EYS: variants seen among roughly 807,000 people sequenced by gnomAD.
EYS encodes the protein protein eyes shut homolog.
Under a neutral mutation model 282.1 loss-of-function variants are expected in EYS, and 250 were observed. The observed-to-expected ratio is 0.89, with a 90% CI of 0.80 to 0.98. The LOEUF is 0.98. EYS is among the 50% of genes least tolerant of loss of function. The pLI is 0.00. For missense variants in EYS, 4,016 were observed against 3,709.0 expected (o/e 1.08, Z -2.15); for synonymous variants, 1,355 against 1,282.9 (o/e 1.06, Z -1.20).
At chr6:64,124,239 G>GT (rs1349743877) in intron 31 of EYS, among the ~76,000 whole-genome samples, 1 of 152,118 alleles carries the variant, frequency 6.6e-6, no homozygotes, top group Admixed American at 6.5e-5. Context: ...TTTACTCAAA[G>GT]TAAGTACAAG....
rs371780089 is a variant in EYS at position 65,395,370 on chromosome 6, C to A, written c.1184+7108G>T. 1.0e-3 allele frequency among the ~76,000 whole-genome samples: 152 copies of A among 152,262 alleles called. 1 individual carries two copies. Among genetic ancestry groups the A allele is most frequent in the African/African-American group, 3.6e-3 (148 of 41,558 alleles). On this transcript the variant is annotated intron_variant, in intron 7 of 42. Coordinates refer to ENST00000503581, the MANE Select transcript of EYS (RefSeq NM_001142800.2). ...GAGCCACTGCGCCCAGCAATCTCAA[C>A]CTTACTTTGCTATTTTTTTCCAACT...
chr6:64,482,686 T>G (rs1257510011), intron 26 of EYS, among the ~76,000 whole-genome samples: 2 of 151,730 alleles, frequency 1.3e-5, no homozygotes, highest in Non-Finnish European at 3.0e-5. Flanking sequence ...GTCTTATTAT[T>G]GATATGACAA....
At chr6:65,528,882 A>G (rs1004239472) in intron 2 of EYS, among the ~76,000 whole-genome samples, 3 of 152,180 alleles carry the variant, frequency 2.0e-5, no homozygotes, top group African/African-American at 7.2e-5. Context: ...TTAAGAAATA[A>G]ACTTCTAGGT....
At chr6:64,001,668 T>C (rs1768100588) in intron 33 of EYS, among the ~76,000 whole-genome samples, 1 of 152,206 alleles carries the variant, frequency 6.6e-6, no homozygotes, top group Non-Finnish European at 1.5e-5. Flanking sequence ...TTAAATCAAG[T>C]AATTTAAATA....
At chr6:64,636,632 C>G (rs2149867350) in intron 22 of EYS, among the ~76,000 whole-genome samples, 1 of 152,188 alleles carries the variant, frequency 6.6e-6, no homozygotes, top group African/African-American at 2.4e-5. Context: ...GCAAAAGAAA[C>G]TACCATCAGA....
At chr6:65,689,496 C>T (rs1396865775) in intron 1 of EYS, among the ~76,000 whole-genome samples, 2 of 149,350 alleles carry the variant, frequency 1.3e-5, no homozygotes, top group African/African-American at 4.9e-5. Context: ...GCACGTTGTG[C>T]ACATGTACCC....
At position 64,023,374 on chromosome 6, in the gene EYS, T is replaced by TG. The variant is rs566486539; in HGVS notation, c.6726-24192dup. 2.6e-3 allele frequency among the ~76,000 whole-genome samples: 399 copies of TG among 152,330 alleles called. 1 individual carries two copies. The highest frequency in any genetic ancestry group is 9.2e-3 in the African/African-American group (383 of 41,572). ...TGCATATGCATCTGGGGTGGAATTG[T>TG]GGGGGTCATATAGTAAATACGTGTT... On this transcript the variant is annotated intron_variant, in intron 33 of 42. Transcript: ENST00000503581.
chr6:64,198,482 C>A (rs545462508), intron 31 of EYS, among the ~76,000 whole-genome samples: 25 of 152,160 alleles, frequency 1.6e-4, no homozygotes, highest in African/African-American at 6.0e-4. Flanking sequence ...CCCTGGCCCC[C>A]CACTCCCCAA....
At chr6:63,745,024 G>A (rs1337402977) in intron 41 of EYS, 1 of 424,242 alleles carries the variant, frequency 2.4e-6, no homozygotes, top group Admixed American at 2.9e-5. Flanking sequence ...TGATGACCTG[G>A]CAAGAAAAAA....
chr6:64,803,289 A>G (rs1764315713), intron 22 of EYS, among the ~76,000 whole-genome samples: 1 of 151,724 alleles, frequency 6.6e-6, no homozygotes, highest in Admixed American at 6.6e-5. Context: ...CTACAAGTCA[A>G]GGAGACTCAA....
chr6:64,241,435 G>C (rs796074543), intron 30 of EYS, among the ~76,000 whole-genome samples: 9 of 152,138 alleles, frequency 5.9e-5, no homozygotes, highest in African/African-American at 2.2e-4. Context: ...CGACTATTCA[G>C]GGATTTGACT....
intron 5 of EYS, among the ~76,000 whole-genome samples, chr6:65,428,952 G>A (rs1306986336): frequency 1.3e-5 from 2 of 152,078 alleles, no homozygotes; most frequent in Admixed American, 1.3e-4. Flanking sequence ...GGAGGCCGAG[G>A]CAGGCAGATC....
At chr6:64,103,853 A>C (rs752978697) in intron 31 of EYS, among the ~76,000 whole-genome samples, 14 of 152,140 alleles carry the variant, frequency 9.2e-5, no homozygotes, top group Non-Finnish European at 2.1e-4. Context: ...AATAACAAGA[A>C]AGAGGGAAGA....
At chr6:64,292,843 T>C (rs1053743678) in intron 30 of EYS, among the ~76,000 whole-genome samples, 7 of 152,076 alleles carry the variant, frequency 4.6e-5, no homozygotes, top group Non-Finnish European at 7.4e-5. Context: ...ATTTAAAAAA[T>C]ATACATCAAA....
intron 26 of EYS, among the ~76,000 whole-genome samples, chr6:64,519,657 G>T (rs1362784529): frequency 2.6e-5 from 4 of 151,784 alleles, no homozygotes; most frequent in Admixed American, 2.6e-4. Flanking sequence ...TGTGCCCCTT[G>T]TCCACCCACC....
At chr6:64,954,271 T>C (rs1006496850) in intron 14 of EYS, among the ~76,000 whole-genome samples, 7 of 151,714 alleles carry the variant, frequency 4.6e-5, no homozygotes, top group African/African-American at 1.5e-4. Flanking sequence ...TTAATGTCGG[T>C]TTAAAAAAAA....
intron 14 of EYS, among the ~76,000 whole-genome samples, chr6:64,992,634 C>A (rs1771103518): frequency 6.6e-6 from 1 of 151,848 alleles, no homozygotes; most frequent in Non-Finnish European, 1.5e-5. Flanking sequence ...CTTTTTGCTA[C>A]AAAAATTGAA....
rs746179904 is a variant in EYS at position 64,439,186 on chromosome 6, C to A, written c.5811G>T (p.Leu1937Phe). The change falls in exon 27 of 43, where the codon TTG becomes TTT. Residue 1937 changes from leucine to phenylalanine, a missense_variant. By Grantham distance (22) the Leu-to-Phe change is conservative. Coordinates refer to ENST00000503581, the MANE Select transcript of EYS (RefSeq NM_001142800.2). ...SNLVDGFFIQLFIENGTLKYH... is the reference protein window; with the variant it reads ...SNLVDGFFIQFFIENGTLKYH... The stretch of plus-strand genomic sequence containing the variant: ...CCTTTAAAGTACCATTTTCAATAAA[C>A]AATTGAATAAAAAATCCATCTACTA... The A allele has an allele frequency of 8.2e-6, 12 of 1,467,972 alleles. No homozygotes were observed. Among genetic ancestry groups the A allele is most frequent in the African/African-American group, 1.5e-5 (1 of 68,276 alleles). The allele number at this position is 1,467,972 out of a possible 1,614,324, so 90.9% of individuals were successfully genotyped here. A position where few individuals can be genotyped will look rare whatever the true frequency, so the allele number is the denominator to read the frequency against.
intron 36 of EYS, among the ~76,000 whole-genome samples, chr6:63,818,189 G>C (rs938308152): frequency 2.6e-4 from 40 of 152,122 alleles, no homozygotes; most frequent in African/African-American, 9.7e-4. Context: ...GCAAAATCTA[G>C]CAGCAGGTAT....
Sources: allele counts gnomAD v4.1 joint callset (sites outside exome capture counted in the v4.1 genomes callset), GRCh38; gene constraint gnomAD v4.1.1; transcripts MANE v1.5; gene names NCBI Gene and HGNC (gene_info 2026-07-23, HGNC 2026-07-21).